RBBP7: variants seen among roughly 807,000 people sequenced by gnomAD.
RBBP7 encodes the protein histone-binding protein RBBP7.
RBBP7 carries 5 observed loss-of-function variants against 35.2 expected under a neutral mutation model. That is an observed-to-expected ratio of 0.14 (90% confidence interval 0.07 to 0.30). The LOEUF (loss-of-function observed/expected upper bound fraction) is 0.30. RBBP7 is among the 10% of genes least tolerant of loss of function. RBBP7 has a pLI of 1.00. For synonymous variants in RBBP7, 140 were observed against 118.7 expected, an observed-to-expected ratio of 1.18 and a Z score of -1.17; for missense variants, 155 against 327.5, an observed-to-expected ratio of 0.47 and a Z score of 4.07.
intron 9 of RBBP7, among the ~76,000 whole-genome samples, chrX:16,850,257 G>A (rs962916089): frequency 1.8e-5 from 2 of 112,491 alleles, no homozygotes; most frequent in South Asian, 7.3e-4. Flanking sequence ...GGTTGGTCTC[G>A]AACTCCTGGG....
At chrX:16,854,521 A>G (rs1381241922) in intron 5 of RBBP7, among the ~76,000 whole-genome samples, 1 of 111,396 alleles carries the variant, frequency 9.0e-6, no homozygotes, top group African/African-American at 3.3e-5. Context: ...ACATCCTAAA[A>G]GTTTACACTG....
intron 4 of RBBP7, among the ~76,000 whole-genome samples, chrX:16,858,023 C>T (rs1170839645): frequency 9.0e-6 from 1 of 111,619 alleles, no homozygotes; most frequent in Non-Finnish European, 1.9e-5. Flanking sequence ...TCAGTCCTTG[C>T]ATGCCTCTAG....
At chrX:16,850,799 T>G (rs945919501) in intron 9 of RBBP7, among the ~76,000 whole-genome samples, 35 of 112,129 alleles carry the variant, frequency 3.1e-4, no homozygotes, top group African/African-American at 1.1e-3. Context: ...CACGTGACAC[T>G]CAGAATTTGG....
chrX:16,866,667 G>A (rs950555181), intron 2 of RBBP7, among the ~76,000 whole-genome samples: 2 of 110,239 alleles, frequency 1.8e-5, no homozygotes, highest in South Asian at 3.9e-4. Flanking sequence ...CCAAGTAATC[G>A]TTATGAAGCA....
intron 1 of RBBP7, chrX:16,869,677 C>T: frequency 9.4e-7 from 1 of 1,067,872 alleles, no homozygotes; most frequent in Non-Finnish European, 1.2e-6. Flanking sequence ...GGACAAGGGC[C>T]GCGACCCCGA....
intron 4 of RBBP7, 49 bp from the exon 5 acceptor site, chrX:16,857,758 G>A: frequency 6.0e-6 from 7 of 1,173,897 alleles, no homozygotes; most frequent in South Asian, 3.8e-5. Context: ...ATCAGAACTG[G>A]TGAGAATAAA....
At chrX:16,853,017 G>T in intron 6 of RBBP7, 142 bp from the exon 7 acceptor site, 1 of 964,175 alleles carries the variant, frequency 1.0e-6, no homozygotes, top group South Asian at 2.4e-5. Flanking sequence ...TGGTGATTCA[G>T]ACCTCGACCA....
At chrX:16,854,728 G>A (rs1930303612) in intron 5 of RBBP7, among the ~76,000 whole-genome samples, 1 of 108,835 alleles carries the variant, frequency 9.2e-6, no homozygotes, top group African/African-American at 3.3e-5. Context: ...CCCCAATGAT[G>A]TGCTCCTTGA....
rs141260671 is a variant in RBBP7, at chrX:16,859,852, C to G, written c.308-1003G>C. On this transcript the variant is annotated intron_variant, in intron 3 of 11. Transcript: ENST00000380087. ...GAGCAAACCATTTCTCAGTTCCAGGCAGCTCCTTCTATGTGGAATGCTTAA... is the reference window on the plus strand; with the variant it reads ...GAGCAAACCATTTCTCAGTTCCAGGGAGCTCCTTCTATGTGGAATGCTTAA... Among the ~76,000 whole-genome samples, 556 of 111,480 alleles carry G rather than the reference C, an allele frequency of 5.0e-3. 5 individuals carry two copies. Among genetic ancestry groups the G allele is most frequent in the African/African-American group, 0.017 (508 of 30,626 alleles).
rs1930747183 is a variant in RBBP7 at position 16,870,115 on chromosome X, C to G, written c.-62G>C. Reference sequence around the variant, plus strand: ...GACTCCTCTCGTTAGCCAAGAGCAGCCCGACCGCTGGCGCTCCTGCCTTTC... The same window carrying G: ...GACTCCTCTCGTTAGCCAAGAGCAGGCCGACCGCTGGCGCTCCTGCCTTTC... On this transcript the variant is annotated 5_prime_UTR_variant, in exon 1 of 12. Transcript: ENST00000380087. The G allele has an allele frequency of 9.5e-7, 1 of 1,049,980 alleles. No homozygotes were observed. Among genetic ancestry groups the G allele is most frequent in the African/African-American group, 2.0e-5 (1 of 50,576 alleles). 86.5% of individuals were successfully genotyped at this position (1,049,980 alleles called of 1,213,427 possible).
At chrX:16,863,388 C>T (rs1050527072) in intron 2 of RBBP7, among the ~76,000 whole-genome samples, 5 of 111,535 alleles carry the variant, frequency 4.5e-5, no homozygotes, top group South Asian at 3.7e-4. Flanking sequence ...AGCAGCACTC[C>T]GGGGAAGGTA....
At chrX:16,860,258 G>T (rs1470295438) in intron 3 of RBBP7, among the ~76,000 whole-genome samples, 2 of 53,618 alleles carry the variant, frequency 3.7e-5, no homozygotes, top group Non-Finnish European at 6.2e-5. Context: ...AAAACAACCT[G>T]AAGAGCTCTC....
intron 3 of RBBP7, among the ~76,000 whole-genome samples, chrX:16,860,445 T>G (rs1040004503): frequency 1.1e-4 from 12 of 111,221 alleles, no homozygotes; most frequent in Admixed American, 3.8e-4. Flanking sequence ...TCCCGGCACT[T>G]TGGGAGGCCA....
intron 10 of RBBP7, chrX:16,846,142 A>C: frequency 1.9e-6 from 1 of 530,243 alleles, no homozygotes; most frequent in Non-Finnish European, 2.8e-6. Flanking sequence ...ATATAGTACA[A>C]TGGATACCTG....
At chrX:16,851,480 A>G (rs1002343838) in intron 9 of RBBP7, among the ~76,000 whole-genome samples, 16 of 112,182 alleles carry the variant, frequency 1.4e-4, no homozygotes, top group African/African-American at 4.9e-4. Context: ...TTAGAACAGC[A>G]AGTCTGAACT....
intron 9 of RBBP7, among the ~76,000 whole-genome samples, chrX:16,850,930 CTTTA>C (rs751777564): frequency 3.4e-4 from 38 of 111,111 alleles, no homozygotes; most frequent in African/African-American, 1.1e-3. Flanking sequence ...AAAGCTCTGC[CTTTA>C]TTTATTTATT....
intron 2 of RBBP7, among the ~76,000 whole-genome samples, chrX:16,865,234 A>G (rs915944823): frequency 9.0e-6 from 1 of 111,013 alleles, no homozygotes; most frequent in African/African-American, 3.3e-5. Flanking sequence ...AAAACAAAAA[A>G]CACAAAAACA....
At chrX:16,864,721 C>T (rs1273745155) in intron 2 of RBBP7, among the ~76,000 whole-genome samples, 1 of 108,703 alleles carries the variant, frequency 9.2e-6, no homozygotes, top group Non-Finnish European at 1.9e-5. Flanking sequence ...TTTTAAGAGA[C>T]AAGGTCTCAC....
intron 2 of RBBP7, among the ~76,000 whole-genome samples, chrX:16,864,951 AAGCCAGGTGCAGTGCTGTGCACCCGT>A (rs1378355961): frequency 4.7e-5 from 5 of 107,414 alleles, no homozygotes; most frequent in Admixed American, 1.0e-4. Context: ...ATGAAAGGGT[AAGCCAGGTGCAGTGCTGTGCACCCGT>A]AGTACCAGCT....
Sources: gnomAD v4.1 joint callset for allele counts (sites outside exome capture counted in the v4.1 genomes callset) on GRCh38, gnomAD v4.1.1 for gene constraint, MANE v1.5 for transcripts, NCBI Gene and HGNC (gene_info 2026-07-23, HGNC 2026-07-21) for gene names.